BMP8A: variants seen among roughly 807,000 people sequenced by gnomAD.
BMP8A encodes the protein bone morphogenetic protein 8a.
Under a neutral mutation model 36.8 loss-of-function variants are expected in BMP8A, and 14 were observed. That is an observed-to-expected ratio of 0.38 (90% CI 0.25 to 0.60). The LOEUF (loss-of-function observed/expected upper bound fraction) is 0.60. Among genes scored for constraint, BMP8A ranks in the 20% least tolerant of loss-of-function variants. The pLI, the probability that BMP8A is intolerant of heterozygous loss-of-function variation, is 0.63. For missense variants in BMP8A, 267 were observed against 551.1 expected, an observed-to-expected ratio of 0.48 and a Z score of 5.16; for synonymous variants, 120 against 237.7, an observed-to-expected ratio of 0.50 and a Z score of 4.55.
intron 6 of BMP8A, chr1:39,523,719 T>G: frequency 1.5e-6 from 2 of 1,362,882 alleles, no homozygotes; most frequent in Non-Finnish European, 1.9e-6. Context: ...AAAGCAGGCT[T>G]CTGATGGGAT....
chr1:39,503,551 C>G (rs1269137704), intron 1 of BMP8A, among the ~76,000 whole-genome samples: 4 of 118,470 alleles, frequency 3.4e-5, no homozygotes, highest in East Asian at 2.9e-4. Flanking sequence ...GAGTCTCGCT[C>G]TCTCCCAGGC....
At chr1:39,496,815 T>A (rs1297756409) in intron 1 of BMP8A, among the ~76,000 whole-genome samples, 1 of 152,224 alleles carries the variant, frequency 6.6e-6, no homozygotes, top group African/African-American at 2.4e-5. Context: ...TGAATGTGAA[T>A]GTGTATTGTA....
intron 1 of BMP8A, among the ~76,000 whole-genome samples, chr1:39,494,884 G>A (rs1463432336): frequency 3.9e-5 from 6 of 152,170 alleles, no homozygotes; most frequent in African/African-American, 7.2e-5. Flanking sequence ...CAAGCAGATC[G>A]TTGTTAGTGG....
Position 39,492,082 on chromosome 1 carries a change from T to G in BMP8A, c.91T>G (p.Cys31Gly). 1 of 1,142,246 alleles carries G rather than the reference T, an allele frequency of 8.8e-7. No homozygotes were observed. Among genetic ancestry groups the G allele is most frequent in the Non-Finnish European group, 1.1e-6 (1 of 933,388 alleles). 70.8% of individuals were successfully genotyped at this position (1,142,246 alleles called of 1,614,324 possible). A position where few individuals can be genotyped will look rare whatever the true frequency, so the allele number is the denominator to read the frequency against. Residue 31 changes from cysteine to glycine, a missense_variant, in exon 1 of 7, where the codon TGT becomes GGT. Cys to Gly is a radical substitution (Grantham distance 159). This residue lies in a region of BMP8A where 56 missense variants were observed against 74.1 expected (regional missense o/e 0.76). Transcript: ENST00000331593. ...GGPGLRPPPG[C>G]PQRRLGARER... Reference sequence around the variant, plus strand: ...CCCCGGCCTGCGACCCCCGCCCGGCTGTCCCCAGCGACGTCTGGGCGCGCG... The same window carrying G: ...CCCCGGCCTGCGACCCCCGCCCGGCGGTCCCCAGCGACGTCTGGGCGCGCG...
intron 1 of BMP8A, among the ~76,000 whole-genome samples, chr1:39,496,962 A>T (rs955705720): frequency 6.6e-6 from 1 of 152,128 alleles, no homozygotes; most frequent in Non-Finnish European, 1.5e-5. Flanking sequence ...CTACCAGACA[A>T]TCCTTCCGGC....
intron 1 of BMP8A, among the ~76,000 whole-genome samples, chr1:39,510,692 G>A (rs994442950): frequency 8.5e-5 from 13 of 152,166 alleles, no homozygotes; most frequent in African/African-American, 9.7e-5. Context: ...TCCAGGCAGC[G>A]GGCAGGCTCT....
Position 39,525,708 on chromosome 1 carries a change from C to T in BMP8A, c.1119C>T (p.Ser373=), listed in dbSNP as rs748923158. 7.4e-6 allele frequency: 12 copies of T among 1,614,064 alleles called. No individual in the cohort carries two copies. In the East Asian group the frequency reaches 1.6e-4, roughly 21 times the overall value. ...CGTGCTGTGCACCCACCAAGCTGAG[C>T]GCCACCTCTGTGCTCTACTATGACA... The part of the protein sequence containing the change: ...PKACCAPTKL[S]ATSVLYYDSS... The change falls in exon 7 of 7, where the codon AGC becomes AGT. Residue 373 remains serine, a synonymous_variant. Transcript: ENST00000331593.
Position 39,492,049 on chromosome 1 carries a change from G to T in BMP8A, c.58G>T (p.Gly20Trp). The T allele has an allele frequency of 9.1e-7, 1 of 1,098,876 alleles. No individual in the cohort carries two copies. Among genetic ancestry groups the T allele is most frequent in the Non-Finnish European group, 1.1e-6 (1 of 904,824 alleles). 68.1% of individuals were successfully genotyped at this position (1,098,876 alleles called of 1,614,324 possible). ...GGGCCTGACGTTGTGCGCGCTGGGCGGGGGCGGCCCCGGCCTGCGACCCCC... is the reference window on the plus strand; with the variant it reads ...GGGCCTGACGTTGTGCGCGCTGGGCTGGGGCGGCCCCGGCCTGCGACCCCC... ...LLGLTLCALGGGGPGLRPPPG... is the reference protein window; with the variant it reads ...LLGLTLCALGWGGPGLRPPPG... The change falls in exon 1 of 7, where the codon GGG (glycine) becomes TGG (tryptophan). Residue 20 changes from glycine (G) to tryptophan (W), a missense_variant. Coordinates refer to ENST00000331593, the MANE Select transcript of BMP8A (RefSeq NM_181809.4).
chr1:39,492,292 C>G lies in BMP8A; in HGVS notation c.301C>G (p.Arg101Gly). ...CGCGCCCGCGGAGCAGCGCCTGGGC[C>G]GCGCCGACCTGGTCATGAGCTTCGT... ...DGAPAEQRLGRADLVMSFVNM... is the reference protein window; with the variant it reads ...DGAPAEQRLGGADLVMSFVNM... The change falls in exon 1 of 7, where the codon CGC (arginine) becomes GGC (glycine). Residue 101 changes from arginine to glycine, a missense_variant. By Grantham distance (125) the Arg-to-Gly change is moderately radical. Coordinates refer to ENST00000331593, the MANE Select transcript of BMP8A (RefSeq NM_181809.4). 3.8e-6 allele frequency: 6 copies of G among 1,563,884 alleles called. No individual in the cohort carries two copies. The highest frequency in any genetic ancestry group is 1.9e-4 in the Middle Eastern group (1 of 5,310).
intron 1 of BMP8A, 32 bp downstream of exon 1, chr1:39,492,357 G>A (rs1478415509): frequency 4.0e-6 from 6 of 1,513,350 alleles, no homozygotes; most frequent in African/African-American, 1.5e-5. Flanking sequence ...GGGACCCTCG[G>A]AGTAAGCTGG....
chr1:39,493,540 A>G (rs1570268198), intron 1 of BMP8A, among the ~76,000 whole-genome samples: 1 of 152,230 alleles, frequency 6.6e-6, no homozygotes, highest in Non-Finnish European at 1.5e-5. Flanking sequence ...GAGCTGCAGC[A>G]GGTCTTGTGG....
At chr1:39,515,280 C>A in intron 3 of BMP8A, 5 of 1,184,686 alleles carry the variant, frequency 4.2e-6, no homozygotes, top group Non-Finnish European at 5.9e-6. Flanking sequence ...CAGGCAGGTC[C>A]GTCGCATCGT....
intron 3 of BMP8A, among the ~76,000 whole-genome samples, chr1:39,517,924 G>A (rs1354223110): frequency 6.6e-6 from 1 of 152,344 alleles, no homozygotes; most frequent in Non-Finnish European, 1.5e-5. Context: ...GGGACTAGAT[G>A]AGTTTTCTCA....
At position 39,524,642 on chromosome 1, in the gene BMP8A, C is replaced by T. The variant is rs1356868888; in HGVS notation, c.1060-1007C>T. On this transcript the variant is annotated intron_variant, in intron 6 of 6. Transcript: ENST00000331593. The surrounding 1 kb of genome is among the most constrained non-coding windows in gnomAD (Gnocchi z 4.0). ...TGCCGGGGTGAGCCAGGCCAGCTCC[C>T]GTAGGGCCTGGGGTTCCCTGGGAAG... 6.6e-6 allele frequency among the ~76,000 whole-genome samples: 1 copy of T among 152,024 alleles called. No homozygotes were observed. The highest frequency in any genetic ancestry group is 1.5e-5 in the Non-Finnish European group (1 of 67,986).
At chr1:39,507,007 C>T (rs1013487010) in intron 1 of BMP8A, among the ~76,000 whole-genome samples, 2 of 152,218 alleles carry the variant, frequency 1.3e-5, no homozygotes, top group African/African-American at 2.4e-5. Context: ...GAGTCAGGAA[C>T]CTCCTCCTTC....
At chr1:39,516,991 T>C (rs1297388717) in intron 3 of BMP8A, among the ~76,000 whole-genome samples, 1 of 151,472 alleles carries the variant, frequency 6.6e-6, no homozygotes, top group Non-Finnish European at 1.5e-5. Flanking sequence ...CTTCTCTTTC[T>C]TTTTTCTTTT....
chr1:39,525,780 G>C lies in BMP8A; in HGVS notation c.1191G>C (p.Lys397Asn). 1.2e-6 allele frequency: 2 copies of C among 1,614,148 alleles called. No individual in the cohort carries two copies. The highest frequency in any genetic ancestry group is 1.7e-6 in the Non-Finnish European group (2 of 1,180,032). ...ILRKHRNMVV[K>N]ACGCH ...GCAAGCACCGCAACATGGTGGTCAA[G>C]GCCTGCGGCTGCCACTGAGTCAGCC... The change falls in exon 7 of 7, where the codon AAG (lysine) becomes AAC (asparagine). Residue 397 changes from lysine (K) to asparagine (N), a missense_variant. This residue lies in a region of BMP8A where 132 missense variants were observed against 151.3 expected (regional missense o/e 0.87). Transcript: ENST00000331593.
intron 3 of BMP8A, among the ~76,000 whole-genome samples, chr1:39,517,095 C>G (rs1453942465): frequency 6.6e-6 from 1 of 152,052 alleles, no homozygotes; most frequent in Non-Finnish European, 1.5e-5. Flanking sequence ...CTCAAGCAAT[C>G]CTAACTCAGC....
chr1:39,523,529 C>T, intron 6 of BMP8A: 2 of 1,372,060 alleles, frequency 1.5e-6, no homozygotes. Context: ...TATGTGCGCA[C>T]AGTGTGTGGG....
Sources: gnomAD v4.1 joint callset for allele counts (sites outside exome capture counted in the v4.1 genomes callset) on GRCh38, gnomAD v4.1.1 for gene constraint, gnomAD v4.1.1 regional missense constraint, Gnocchi (gnomAD v3.1) non-coding constraint, MANE v1.5 for transcripts, NCBI Gene and HGNC (gene_info 2026-07-23, HGNC 2026-07-21) for gene names.